The following CACNA1C variants were observed in gnomAD, a reference collection of about 807,000 sequenced individuals.
CACNA1C encodes the protein calcium voltage-gated channel subunit alpha1 C.
CACNA1C carries 30 observed loss-of-function variants against 229.0 expected under a neutral mutation model. That is an observed-to-expected ratio of 0.13 (90% confidence interval 0.10 to 0.18). The LOEUF (loss-of-function observed/expected upper bound fraction) is 0.18. Among genes scored for constraint, CACNA1C ranks in the 10% least tolerant of loss-of-function variants. CACNA1C has a pLI of 1.00. For missense variants in CACNA1C, 1,658 were observed against 2,845.0 expected (o/e 0.58, Z 9.49); for synonymous variants, 1,114 against 1,132.5 (o/e 0.98, Z 0.33).
In CACNA1C at chr12:2,557,049, C is replaced by A. The variant is rs528443276; in HGVS notation, c.1508+72C>A. On this transcript the variant is annotated intron_variant, in intron 11 of 46. Coordinates refer to ENST00000399655, the MANE Select transcript of CACNA1C (RefSeq NM_000719.7). ...GTCTTCAGCCACCCTGTTGGGTGGC[C>A]CAAGGTAATACCTACAAGTTGCCAG... The A allele has an allele frequency of 1.2e-5, 15 of 1,269,580 alleles. No individual in the cohort carries two copies. In the South Asian group the frequency reaches 1.6e-4, roughly 13 times the overall value. The allele number at this position is 1,269,580 out of a possible 1,614,324, so 78.6% of individuals were successfully genotyped here. A position where few individuals can be genotyped will look rare whatever the true frequency, so the allele number is the denominator to read the frequency against.
intron 1 of CACNA1C, among the ~76,000 whole-genome samples, chr12:1,975,482 T>C (rs2034042798): frequency 2.6e-5 from 4 of 152,140 alleles, no homozygotes; most frequent in Admixed American, 2.6e-4. Context: ...AATGACCACT[T>C]ACTATAGATA....
chr12:2,456,758 C>T (rs1406029934), intron 4 of CACNA1C, among the ~76,000 whole-genome samples: 7 of 152,230 alleles, frequency 4.6e-5, no homozygotes, highest in African/African-American at 1.2e-4. Flanking sequence ...CTCCCCGCTC[C>T]TCCTCCTCAG....
At position 2,691,494 on chromosome 12, in the gene CACNA1C, C is replaced by T. The variant is rs2097788041; in HGVS notation, c.*295C>T. 1 of 335,250 alleles carries T rather than the reference C, an allele frequency of 3.0e-6. No individual in the cohort carries two copies. Among genetic ancestry groups the T allele is most frequent in the Non-Finnish European group, 5.4e-6 (1 of 186,874 alleles). 20.8% of individuals were successfully genotyped at this position (335,250 alleles called of 1,614,324 possible). A position where few individuals can be genotyped will look rare whatever the true frequency, so the allele number is the denominator to read the frequency against. On this transcript the variant is annotated 3_prime_UTR_variant, in exon 47 of 47. Transcript: ENST00000399655. ...CCCGGCCGCGCCTCCGCGGGGAGAG[C>T]ACCCCGGCTTCCCGCGCGCCCTCAC...
At chr12:2,558,981 G>A (rs1600059427) in intron 11 of CACNA1C, among the ~76,000 whole-genome samples, 2 of 152,234 alleles carry the variant, frequency 1.3e-5, no homozygotes, top group Middle Eastern at 6.8e-3. Context: ...ATGCTTGGCT[G>A]TTACTGCTTA....
rs2096919520 is a variant in CACNA1C at position 2,678,188 on chromosome 12, A to T, written c.5091+321A>T. Among the ~76,000 whole-genome samples the T allele has an allele frequency of 6.6e-6, 1 of 152,236 alleles. No individual in the cohort carries two copies. Among genetic ancestry groups the T allele is most frequent in the Non-Finnish European group, 1.5e-5 (1 of 68,040 alleles). On this transcript the variant is annotated intron_variant, in intron 41 of 46. Transcript: ENST00000399655. The surrounding 1 kb of genome is among the most constrained non-coding windows in gnomAD (Gnocchi z 4.1). The stretch of plus-strand genomic sequence containing the variant: ...GTTGCAGAGTGGTCACCCCTGGGGC[A>T]CATCTAATCTGCAGGCTTGTTTTGT...
intron 3 of CACNA1C, among the ~76,000 whole-genome samples, chr12:2,438,250 AAT>A (rs1567681535): frequency 2.2e-5 from 2 of 92,804 alleles, no homozygotes; most frequent in South Asian, 4.0e-4. Context: ...TGGTGATGAT[AAT>A]GATGGTGATG....
chr12:2,465,799 GCAGAGCTGAGGT>G (rs1222848644), intron 5 of CACNA1C, among the ~76,000 whole-genome samples: 1 of 152,082 alleles, frequency 6.6e-6, no homozygotes, highest in Admixed American at 6.5e-5. Flanking sequence ...CGGGCTGGTG[GCAGAGCTGAGGT>G]CAGAGCCATA....
At chr12:2,169,093 G>C (rs1315873774) in intron 3 of CACNA1C, among the ~76,000 whole-genome samples, 3 of 152,144 alleles carry the variant, frequency 2.0e-5, no homozygotes, top group Non-Finnish European at 4.4e-5. Context: ...GCCTCGTTAA[G>C]AGCTCAGGTC....
At chr12:2,415,085 A>ATGCGAG (rs1321474938) in intron 3 of CACNA1C, among the ~76,000 whole-genome samples, 1 of 152,208 alleles carries the variant, frequency 6.6e-6, no homozygotes, top group Non-Finnish European at 1.5e-5. Context: ...CCTCTGTGGC[A>ATGCGAG]TGCGAGTGTG....
At chr12:2,565,436 C>G (rs565209754) in intron 11 of CACNA1C, among the ~76,000 whole-genome samples, 32 of 148,256 alleles carry the variant, frequency 2.2e-4, no homozygotes, top group Non-Finnish European at 3.4e-4. Flanking sequence ...CACTGCAGTC[C>G]GCAGTCCGGC....
chr12:2,313,161 C>T (rs900104978), intron 3 of CACNA1C, among the ~76,000 whole-genome samples: 2 of 152,194 alleles, frequency 1.3e-5, no homozygotes, highest in Non-Finnish European at 2.9e-5. Flanking sequence ...CACCATCCAG[C>T]TTGGGCTTCT....
At chr12:2,196,701 C>T (rs939638367) in intron 3 of CACNA1C, among the ~76,000 whole-genome samples, 9 of 152,200 alleles carry the variant, frequency 5.9e-5, no homozygotes, top group East Asian at 3.8e-4. Flanking sequence ...TACACTGAAG[C>T]GTAAAAGACG....
intron 10 of CACNA1C, among the ~76,000 whole-genome samples, chr12:2,555,335 G>A (rs908184931): frequency 5.3e-5 from 8 of 152,248 alleles, no homozygotes; most frequent in Non-Finnish European, 1.0e-4. Flanking sequence ...ACCCCAGACA[G>A]GACTACTGAG....
At chr12:2,038,571 G>GA (rs2049542606) in intron 1 of CACNA1C, among the ~76,000 whole-genome samples, 1 of 152,160 alleles carries the variant, frequency 6.6e-6, no homozygotes, top group South Asian at 2.1e-4. Flanking sequence ...TCAAAATAAG[G>GA]AATGGATTTT....
intron 3 of CACNA1C, among the ~76,000 whole-genome samples, chr12:2,427,262 G>A (rs771157414): frequency 3.3e-5 from 5 of 152,214 alleles, no homozygotes; most frequent in Admixed American, 3.3e-4. Flanking sequence ...TGCCAGGGAC[G>A]GGGATGGGGA....
At chr12:2,437,495 A>C (rs1189182112) in intron 3 of CACNA1C, among the ~76,000 whole-genome samples, 1 of 152,244 alleles carries the variant, frequency 6.6e-6, no homozygotes, top group African/African-American at 2.4e-5. Context: ...GCTTTGTGGA[A>C]GATTATCTAA....
chr12:2,352,865 G>A (rs2097247149), intron 3 of CACNA1C, among the ~76,000 whole-genome samples: 1 of 152,188 alleles, frequency 6.6e-6, no homozygotes, highest in Non-Finnish European at 1.5e-5. Flanking sequence ...CAATCTGTAA[G>A]ACTGGATAAT....
At chr12:2,441,047 C>A (rs1006203974) in intron 3 of CACNA1C, among the ~76,000 whole-genome samples, 90 of 152,314 alleles carry the variant, frequency 5.9e-4, no homozygotes, top group African/African-American at 2.1e-3. Context: ...TCTGAAACAA[C>A]CTGAGATACA....
rs79973071 is a variant in CACNA1C at position 2,053,402 on chromosome 12, A to G, written c.-161A>G. 87 of 1,409,156 alleles carry G rather than the reference A, an allele frequency of 6.2e-5. 1 individual carries two copies. In the East Asian group the frequency reaches 2.3e-3, roughly 37 times the overall value. 87.3% of individuals were successfully genotyped at this position (1,409,156 alleles called of 1,614,324 possible). ...TTGATGCCATAATGGGAATCAGGTA[A>G]TCGTCGGCGGGGAAGAAGAAACGCT... On this transcript the variant is annotated 5_prime_UTR_variant, in exon 1 of 47. An upstream open reading frame in the 5' UTR loses its in-frame stop. Coordinates refer to ENST00000399655, the MANE Select transcript of CACNA1C (RefSeq NM_000719.7). This position sits in a 1 kb window ranked among gnomAD's most constrained non-coding sequence, Gnocchi z 5.8.
Sources: gnomAD v4.1 joint callset for allele counts (sites outside exome capture counted in the v4.1 genomes callset) on GRCh38, gnomAD v4.1.1 for gene constraint, Gnocchi (gnomAD v3.1) non-coding constraint, MANE v1.5 for transcripts, NCBI Gene and HGNC (gene_info 2026-07-23, HGNC 2026-07-21) for gene names.